The following PCMTD2 variants were observed in gnomAD, a reference collection of about 807,000 sequenced individuals.
PCMTD2 encodes protein-L-isoaspartate O-methyltransferase domain-containing protein 2.
Under a neutral mutation model 33.4 loss-of-function variants are expected in PCMTD2, and 16 were observed. The ratio of observed to expected loss-of-function variants is 0.48; its 90% CI spans 0.32 to 0.73. PCMTD2 has a LOEUF of 0.73. Among genes scored for constraint, PCMTD2 ranks in the 30% least tolerant of loss-of-function variants. The probability of loss-of-function intolerance (pLI) is 0.03; values close to 1 mark genes in which losing one functional copy is unlikely to be tolerated. For synonymous variants in PCMTD2, 161 were observed against 160.8 expected (o/e 1.00, Z -0.01); for missense variants, 374 against 449.9 (o/e 0.83, Z 1.53).
chr20:64,260,698 T>C (rs972639191), intron 2 of PCMTD2, among the ~76,000 whole-genome samples: 5 of 148,746 alleles, frequency 3.4e-5, no homozygotes, highest in African/African-American at 1.3e-4. Context: ...GCAGTTTTTG[T>C]TTTGTTGGTT....
chr20:64,273,187 G>A, intron 5 of PCMTD2, 34 bp from the exon 6 acceptor site: 1 of 1,582,942 alleles, frequency 6.3e-7, no homozygotes, highest in Non-Finnish European at 8.6e-7. Flanking sequence ...TCACTCCGAT[G>A]CATTTGACTG....
At position 64,275,130 on chromosome 20, in the gene PCMTD2, T is replaced by C. The variant is rs1986058973; in HGVS notation, c.*1530T>C. 1 of 152,202 alleles carries C rather than the reference T, an allele frequency of 6.6e-6. No individual in the cohort carries two copies. Among genetic ancestry groups the C allele is most frequent in the Non-Finnish European group, 1.5e-5 (1 of 68,018 alleles). 9.4% of individuals were successfully genotyped at this position (152,202 alleles called of 1,614,324 possible). On this transcript the variant is annotated 3_prime_UTR_variant, in exon 6 of 6. Coordinates refer to ENST00000308824, the MANE Select transcript of PCMTD2 (RefSeq NM_018257.3). Reference sequence around the variant, plus strand: ...TACCACACAGTCCAGTTTGCATGTATAGCTAGGAAACATGTATTGCTCTAG... The same window carrying C: ...TACCACACAGTCCAGTTTGCATGTACAGCTAGGAAACATGTATTGCTCTAG...
Position 64,273,695 on chromosome 20 carries a change from CGTT to C in PCMTD2, c.*98_*100del, listed in dbSNP as rs2145771187. The C allele has an allele frequency of 9.3e-7, 1 of 1,080,230 alleles. No individual in the cohort carries two copies. The highest frequency in any genetic ancestry group is 2.5e-5 in the East Asian group (1 of 40,472). 66.9% of individuals were successfully genotyped at this position (1,080,230 alleles called of 1,614,324 possible). A position where few individuals can be genotyped will look rare whatever the true frequency, so the allele number is the denominator to read the frequency against. The stretch of plus-strand genomic sequence containing the variant: ...TGTTGAAGGGTCACCTGGAGGCAGA[CGTT>C]GTGGGGAAGGGAACTGCTGGGCTCA... On this transcript the variant is annotated 3_prime_UTR_variant, in exon 6 of 6. Coordinates refer to ENST00000308824, the MANE Select transcript of PCMTD2 (RefSeq NM_018257.3).
chr20:64,262,969 C>G (rs1274783575), intron 2 of PCMTD2: 1 of 152,294 alleles, frequency 6.6e-6, no homozygotes, highest in Non-Finnish European at 1.5e-5. Context: ...TCCTCCTCCC[C>G]TGCTAGTCAT....
rs1986044451 is a variant in PCMTD2 at position 64,274,671 on chromosome 20, G to A, written c.*1071G>A. On this transcript the variant is annotated 3_prime_UTR_variant, in exon 6 of 6. Transcript: ENST00000308824. ...GATTTGTTAGTTTTGTAATTTTTTT[G>A]TAAGACCAAATGTATGTATTTTAGT... 6.6e-6 allele frequency: 1 copy of A among 152,102 alleles called. No homozygotes were observed. The highest frequency in any genetic ancestry group is 1.5e-5 in the Non-Finnish European group (1 of 68,024). 9.4% of individuals were successfully genotyped at this position (152,102 alleles called of 1,614,324 possible).
chr20:64,261,978 C>T (rs1030896826), intron 2 of PCMTD2, among the ~76,000 whole-genome samples: 16 of 152,128 alleles, frequency 1.1e-4, no homozygotes, highest in African/African-American at 3.4e-4. Context: ...AATGGTGGGG[C>T]GTGGTGGCTC....
chr20:64,269,004 A>C (rs1985773510), intron 5 of PCMTD2, among the ~76,000 whole-genome samples: 1 of 152,182 alleles, frequency 6.6e-6, no homozygotes. Context: ...AAAGGGGAGA[A>C]AAGTACCAGC....
chr20:64,267,588 C>T (rs1985712106), intron 4 of PCMTD2, among the ~76,000 whole-genome samples: 1 of 152,086 alleles, frequency 6.6e-6, no homozygotes, highest in Non-Finnish European at 1.5e-5. Context: ...TATAAGAATC[C>T]CCACACTGTC....
chr20:64,263,427 G>C (rs1304895443), intron 2 of PCMTD2, among the ~76,000 whole-genome samples: 1 of 152,172 alleles, frequency 6.6e-6, no homozygotes, highest in Non-Finnish European at 1.5e-5. Context: ...CAAAGGTGTG[G>C]GATGCACAGA....
intron 1 of PCMTD2, among the ~76,000 whole-genome samples, chr20:64,257,388 A>C (rs775590414): frequency 1.3e-5 from 2 of 152,254 alleles, no homozygotes; most frequent in African/African-American, 4.8e-5. Context: ...GTTACCACAG[A>C]GTAGTGAATT....
chr20:64,276,027 A>G lies in PCMTD2; in HGVS notation c.*2427A>G, dbSNP rs1986081792. 1 of 152,248 alleles carries G rather than the reference A, an allele frequency of 6.6e-6. No individual in the cohort carries two copies. The highest frequency in any genetic ancestry group is 6.5e-5 in the Admixed American group (1 of 15,292). 9.4% of individuals were successfully genotyped at this position (152,248 alleles called of 1,614,324 possible). ...AAGGTAGTCAGGATATTTTATCCTT[A>G]GCATTGCTTCTGCATCCTGTGTAGG... On this transcript the variant is annotated 3_prime_UTR_variant, in exon 6 of 6. Coordinates refer to ENST00000308824, the MANE Select transcript of PCMTD2 (RefSeq NM_018257.3).
At chr20:64,259,148 C>T (rs908025892) in intron 1 of PCMTD2, among the ~76,000 whole-genome samples, 2 of 152,200 alleles carry the variant, frequency 1.3e-5, no homozygotes, top group Non-Finnish European at 2.9e-5. Flanking sequence ...GCCCCTCCTA[C>T]ACTTAAACTT....
At chr20:64,268,412 C>T (rs1985747501) in intron 5 of PCMTD2, among the ~76,000 whole-genome samples, 1 of 152,208 alleles carries the variant, frequency 6.6e-6, no homozygotes, top group Admixed American at 6.5e-5. Flanking sequence ...CGCCTGCTGC[C>T]TCATGGGTAG....
At chr20:64,256,648 C>T (rs748006196) in intron 1 of PCMTD2, 2 of 152,088 alleles carry the variant, frequency 1.3e-5, no homozygotes, top group African/African-American at 2.4e-5. Context: ...TTGTTGTGGC[C>T]ACGCTTGGGG....
In PCMTD2 at chr20:64,274,762, T is replaced by G. The variant is rs1986048263; in HGVS notation, c.*1162T>G. The stretch of plus-strand genomic sequence containing the variant: ...TGATATCAGCCTTCTCTGGGCCTTG[T>G]GTGTGGAGAGCTTTCTATCTTACCA... On this transcript the variant is annotated 3_prime_UTR_variant, in exon 6 of 6. Transcript: ENST00000308824. 1.3e-5 allele frequency: 2 copies of G among 152,246 alleles called. No individual in the cohort carries two copies. The highest frequency in any genetic ancestry group is 4.8e-5 in the African/African-American group (2 of 41,470). The allele number at this position is 152,246 out of a possible 1,614,324, so 9.4% of individuals were successfully genotyped here. A position where few individuals can be genotyped will look rare whatever the true frequency, so the allele number is the denominator to read the frequency against.
intron 5 of PCMTD2, among the ~76,000 whole-genome samples, chr20:64,272,726 G>T (rs1048770524): frequency 6.6e-6 from 1 of 152,256 alleles, no homozygotes; most frequent in South Asian, 2.1e-4. Flanking sequence ...AGGTTGAGGC[G>T]GGAGGATCAC....
intron 5 of PCMTD2, among the ~76,000 whole-genome samples, chr20:64,269,191 C>T (rs762870374): frequency 1.8e-4 from 27 of 152,246 alleles, no homozygotes; most frequent in African/African-American, 2.2e-4. Flanking sequence ...TGGTTGTCGT[C>T]GGGTGGAGGG....
chr20:64,270,134 TGTG>T (rs1601746839), intron 5 of PCMTD2, among the ~76,000 whole-genome samples: 1 of 120,310 alleles, frequency 8.3e-6, no homozygotes, highest in Non-Finnish European at 1.7e-5. Context: ...GAGTGCATGG[TGTG>T]GGGTCGTCAG....
intron 2 of PCMTD2, among the ~76,000 whole-genome samples, chr20:64,263,327 A>G (rs1379025200): frequency 6.6e-6 from 1 of 152,126 alleles, no homozygotes; most frequent in East Asian, 1.9e-4. Context: ...ACGTGGAGAG[A>G]AAAGAGCAGC....
Sources: allele counts gnomAD v4.1 joint callset (sites outside exome capture counted in the v4.1 genomes callset), GRCh38; gene constraint gnomAD v4.1.1; transcripts MANE v1.5; gene names NCBI Gene and HGNC (gene_info 2026-07-23, HGNC 2026-07-21).